Variants in LRIG1 observed in about 807,000 individuals in gnomAD.
LRIG1 encodes leucine rich repeats and immunoglobulin like domains 1, also known as leucine-rich repeats and immunoglobulin-like domains protein 1.
A neutral mutation model predicts 99.2 loss-of-function variants in LRIG1; 48 were observed. That is an observed-to-expected ratio of 0.48 (90% CI 0.38 to 0.62). The LOEUF (loss-of-function observed/expected upper bound fraction) is 0.62. LRIG1 is among the 20% of genes least tolerant of loss of function. LRIG1 has a pLI of 0.00. For missense variants in LRIG1, 1,646 were observed against 1,434.4 expected (o/e 1.15, Z -2.38); for synonymous variants, 772 against 596.1 (o/e 1.29, Z -4.30).
At chr3:66,396,620 T>C (rs1234616250) in intron 11 of LRIG1, among the ~76,000 whole-genome samples, 1 of 152,214 alleles carries the variant, frequency 6.6e-6, no homozygotes, top group Non-Finnish European at 1.5e-5. Flanking sequence ...TCCAGAACCA[T>C]GCAGAAGCAC....
intron 9 of LRIG1, 76 bp from the exon 10 acceptor site, chr3:66,399,117 A>G: frequency 8.0e-7 from 1 of 1,242,990 alleles, no homozygotes; most frequent in Admixed American, 1.8e-5. Flanking sequence ...AAAGAAAAAG[A>G]AAAAGAAAAC....
rs750593491 is a variant in LRIG1, at chr3:66,417,203, C to T, written c.429G>A (p.Val143=). Residue 143 remains valine (V), a synonymous_variant, in exon 4 of 19, where the codon GTG becomes GTA. Coordinates refer to ENST00000273261, the MANE Select transcript of LRIG1 (RefSeq NM_015541.3). Reference sequence around the variant, plus strand: ...TGATGTTGTTCAAACTCAGATCTAACACTTCTAAGGAAAGGTAGGCCTTCA... The same window carrying T: ...TGATGTTGTTCAAACTCAGATCTAATACTTCTAAGGAAAGGTAGGCCTTCA... ...SQLKAYLSLE[V]LDLSLNNITE... is the part of the protein sequence containing the mutation. 1 of 1,614,238 alleles carries T rather than the reference C, an allele frequency of 6.2e-7. No individual in the cohort carries two copies. The highest frequency in any genetic ancestry group is 1.1e-5 in the South Asian group (1 of 91,092).
chr3:66,437,965 C>T (rs1214026581), intron 3 of LRIG1, among the ~76,000 whole-genome samples: 1 of 152,190 alleles, frequency 6.6e-6, no homozygotes, highest in Non-Finnish European at 1.5e-5. Flanking sequence ...AGGGCCAACT[C>T]TGAAAGAGCT....
At chr3:66,380,512 T>G (rs776747960) in intron 18 of LRIG1, 23 bp from the exon 19 acceptor site, 3 of 1,614,012 alleles carry the variant, frequency 1.9e-6, no homozygotes, top group African/African-American at 1.3e-5. Flanking sequence ...AACGAACCTG[T>G]CAGACCCCCA....
At chr3:66,463,590 G>A (rs1031262653) in intron 1 of LRIG1, among the ~76,000 whole-genome samples, 12 of 152,152 alleles carry the variant, frequency 7.9e-5, no homozygotes, top group Non-Finnish European at 1.6e-4. Context: ...TGATCCAAAT[G>A]GGCCCTAACT....
intron 13 of LRIG1, 43 bp downstream of exon 13, chr3:66,385,938 T>G: frequency 6.4e-7 from 1 of 1,558,276 alleles, no homozygotes; most frequent in Non-Finnish European, 8.8e-7. Flanking sequence ...AGGAGTGTGC[T>G]TTGTAGGATT....
At chr3:66,454,180 TACTGAAAAAAGAACCGCTATTC>T (rs925133162) in intron 2 of LRIG1, among the ~76,000 whole-genome samples, 8 of 152,190 alleles carry the variant, frequency 5.3e-5, no homozygotes, top group African/African-American at 1.9e-4. Context: ...AGATCATTTC[TACTGAAAAAAGAACCGCTATTC>T]AGAGTAAGTC....
chr3:66,437,540 C>T (rs571057317), intron 3 of LRIG1, among the ~76,000 whole-genome samples: 1 of 152,286 alleles, frequency 6.6e-6, no homozygotes, highest in South Asian at 2.1e-4. Flanking sequence ...CAGCAGGCCA[C>T]TTCTACTATA....
In LRIG1 at chr3:66,380,875, C is replaced by T. The variant is rs772174273; in HGVS notation, c.2771-14G>A. 4.3e-6 allele frequency: 7 copies of T among 1,611,706 alleles called. No homozygotes were observed. The highest frequency in any genetic ancestry group is 5.9e-6 in the Non-Finnish European group (7 of 1,178,408). On this transcript the variant is annotated splice_polypyrimidine_tract_variant and intron_variant, in intron 17 of 18. Transcript: ENST00000273261. ...GGCCACCGTGTTCTGAAGGACAGCG[C>T]CAAAGATGGGTTAGAGTCACTGCTG... is the stretch of plus-strand genomic sequence containing the variant.
chr3:66,481,910 G>A (rs936663539), intron 1 of LRIG1, among the ~76,000 whole-genome samples: 2 of 152,194 alleles, frequency 1.3e-5, no homozygotes, highest in African/African-American at 4.8e-5. Flanking sequence ...CTTGCAGAAG[G>A]GAAGCAGCTT....
chr3:66,450,542 C>T (rs1703872112), intron 3 of LRIG1, among the ~76,000 whole-genome samples: 1 of 152,156 alleles, frequency 6.6e-6, no homozygotes, highest in African/African-American at 2.4e-5. Flanking sequence ...AACCCAAGAC[C>T]ATGTTTCACA....
At chr3:66,442,196 C>T (rs1192905835) in intron 3 of LRIG1, among the ~76,000 whole-genome samples, 1 of 152,138 alleles carries the variant, frequency 6.6e-6, no homozygotes, top group African/African-American at 2.4e-5. Flanking sequence ...CCAATATTCC[C>T]TATGTATGGC....
intron 6 of LRIG1, 90 bp from the exon 7 acceptor site, chr3:66,410,362 C>T (rs1702426107): frequency 2.3e-6 from 3 of 1,282,196 alleles, no homozygotes; most frequent in Non-Finnish European, 3.3e-6. Flanking sequence ...GTACCTGACA[C>T]TGCGGTCACA....
chr3:66,496,397 T>C (rs1245257163), intron 1 of LRIG1, among the ~76,000 whole-genome samples: 1 of 152,212 alleles, frequency 6.6e-6, no homozygotes, highest in African/African-American at 2.4e-5. Flanking sequence ...TGTGCCTTTT[T>C]CTCACGACAA....
At chr3:66,489,124 A>G (rs1263171753) in intron 1 of LRIG1, among the ~76,000 whole-genome samples, 4 of 152,216 alleles carry the variant, frequency 2.6e-5, no homozygotes, top group Non-Finnish European at 5.9e-5. Context: ...CTCCTCCTCA[A>G]TAATATCTCA....
At chr3:66,407,283 T>G in intron 8 of LRIG1, 65 bp downstream of exon 8, 1 of 1,539,090 alleles carries the variant, frequency 6.5e-7, no homozygotes, top group Non-Finnish European at 9.0e-7. Flanking sequence ...ACAAAGCAGA[T>G]GGTTTGCTCT....
Position 66,394,139 on chromosome 3 carries a change from C to A in LRIG1, c.1369G>T (p.Gly457Cys), listed in dbSNP as rs759672831. 3 of 1,611,954 alleles carry A rather than the reference C, an allele frequency of 1.9e-6. No individual in the cohort carries two copies. The highest frequency in any genetic ancestry group is 1.7e-4 in the Middle Eastern group (1 of 6,044). ...GTCACAAAGGCCTGCAGCATCCTGC[C>A]AATTAGCCACGGGGGCAGCCACTTC... The part of the protein sequence containing the change: ...QLKWLPPWLI[G>C]RMLQAFVTAT... Residue 457 changes from glycine to cysteine, a missense_variant, in exon 12 of 19, where the codon GGC (glycine) becomes TGC (cysteine). Coordinates refer to ENST00000273261, the MANE Select transcript of LRIG1 (RefSeq NM_015541.3).
intron 6 of LRIG1, among the ~76,000 whole-genome samples, chr3:66,412,184 C>T (rs1031697985): frequency 6.6e-6 from 1 of 152,180 alleles, no homozygotes; most frequent in East Asian, 1.9e-4. Flanking sequence ...AACATCTGCA[C>T]CCAGTGTCTT....
intron 1 of LRIG1, among the ~76,000 whole-genome samples, chr3:66,484,298 T>C (rs1401779007): frequency 6.6e-6 from 1 of 152,182 alleles, no homozygotes; most frequent in African/African-American, 2.4e-5. Context: ...GTCACGAGCA[T>C]TTAATGTGTC....
Sources: allele counts gnomAD v4.1 joint callset (sites outside exome capture counted in the v4.1 genomes callset), GRCh38; gene constraint gnomAD v4.1.1; transcripts MANE v1.5; gene names NCBI Gene and HGNC (gene_info 2026-07-23, HGNC 2026-07-21).